Variants in SPTBN2 observed in about 807,000 individuals in gnomAD.
SPTBN2 encodes spectrin beta, non-erythrocytic 2.
A neutral mutation model predicts 284.2 loss-of-function variants in SPTBN2; 107 were observed. That is an observed-to-expected ratio of 0.38 (90% CI 0.32 to 0.44). SPTBN2 has a LOEUF of 0.44. SPTBN2 is among the 20% of genes least tolerant of loss of function. The pLI is 1.00. For missense variants in SPTBN2, 2,569 were observed against 3,287.1 expected (o/e 0.78, Z 5.34); for synonymous variants, 1,289 against 1,354.8 (o/e 0.95, Z 1.07).
Position 66,705,675 on chromosome 11 carries a change from A to T in SPTBN2, c.1807+9T>A. On this transcript the variant is annotated intron_variant, in intron 14 of 37. Transcript: ENST00000533211. Reference sequence around the variant, plus strand: ...CCCTCCCTCTCCAGTGCCTTCGCTGACTTCTCACCTTTCCCTGGGTTGCAG... The same window carrying T: ...CCCTCCCTCTCCAGTGCCTTCGCTGTCTTCTCACCTTTCCCTGGGTTGCAG... 3 of 1,610,622 alleles carry T rather than the reference A, an allele frequency of 1.9e-6. No individual in the cohort carries two copies. The highest frequency in any genetic ancestry group is 1.7e-6 in the Non-Finnish European group (2 of 1,179,960).
chr11:66,708,120 C>T lies in SPTBN2; in HGVS notation c.1350+21G>A. On this transcript the variant is annotated intron_variant, in intron 12 of 37. Coordinates refer to ENST00000533211, the MANE Select transcript of SPTBN2 (RefSeq NM_006946.4). This position sits in a 1 kb window ranked among gnomAD's most constrained non-coding sequence, Gnocchi z 4.4. ...TCCCAGTTCTGACCAGCCTAAGCATCCTAGGAGCCTCAAGTCCTACCTGGG... is the reference window on the plus strand; with the variant it reads ...TCCCAGTTCTGACCAGCCTAAGCATTCTAGGAGCCTCAAGTCCTACCTGGG... 1 of 1,613,098 alleles carries T rather than the reference C, an allele frequency of 6.2e-7. No individual in the cohort carries two copies. Among genetic ancestry groups the T allele is most frequent in the South Asian group, 1.1e-5 (1 of 91,088 alleles).
chr11:66,708,141 C>A lies in SPTBN2; in HGVS notation c.1350G>T (p.Gln450His). 6.2e-7 allele frequency: 1 copy of A among 1,613,216 alleles called. No individual in the cohort carries two copies. The highest frequency in any genetic ancestry group is 8.5e-7 in the Non-Finnish European group (1 of 1,179,920). Residue 450 changes from glutamine to histidine, a missense_variant and splice_region_variant, in exon 12 of 38, where the codon CAG becomes CAT. Physicochemically the swap from Gln to His is conservative, Grantham distance 24 (BLOSUM62 0). Around this residue, in one of 6 missense-constraint regions of SPTBN2, gnomAD observed 1,012 missense variants for 1,248.9 expected, o/e 0.81. Coordinates refer to ENST00000533211, the MANE Select transcript of SPTBN2 (RefSeq NM_006946.4). This position sits in a 1 kb window ranked among gnomAD's most constrained non-coding sequence, Gnocchi z 4.4. Reference protein sequence around the residue: ...WLSENQRLVSQDNFGLELAAV... With the variant: ...WLSENQRLVSHDNFGLELAAV... ...GCATCCTAGGAGCCTCAAGTCCTAC[C>A]TGGGACACGAGGCGCTGGTTCTCGC...
At chr11:66,731,828 T>G (rs539112410), upstream of SPTBN2, among the ~76,000 whole-genome samples, 13 of 152,368 alleles carry the variant, frequency 8.5e-5, no homozygotes, top group South Asian at 2.7e-3. Flanking sequence ...CCAGGCACTG[T>G]GCTGGGATCT....
chr11:66,713,507 C>T, intron 8 of SPTBN2, 124 bp downstream of exon 8: 1 of 786,258 alleles, frequency 1.3e-6, no homozygotes, highest in South Asian at 1.3e-5. Context: ...TCTTCCCCCA[C>T]CAAAGAAGCC....
chr11:66,701,183 G>A lies in SPTBN2; in HGVS notation c.2916C>T (p.Ala972=). The A allele has an allele frequency of 6.2e-7, 1 of 1,613,182 alleles. No homozygotes were observed. ...NYHLECTETQ[A]WMREKTKVIE... ...TGACTTTGGTCTTCTCTCTCATCCA[G>A]GCCTGGGTCTCCGTGCACTCTAAGT... The change falls in exon 17 of 38, where the codon GCC becomes GCT. Residue 972 remains alanine, a synonymous_variant. Coordinates refer to ENST00000533211, the MANE Select transcript of SPTBN2 (RefSeq NM_006946.4).
chr11:66,727,397 G>C (rs1446743005), intron 1 of SPTBN2, among the ~76,000 whole-genome samples: 2 of 152,192 alleles, frequency 1.3e-5, no homozygotes, highest in Non-Finnish European at 2.9e-5. Context: ...GGGCAAACCT[G>C]CACCTCACAC....
At chr11:66,738,869 C>T (rs539292039) in intron 1 of SPTBN2, among the ~76,000 whole-genome samples, 36 of 151,434 alleles carry the variant, frequency 2.4e-4, no homozygotes, top group African/African-American at 7.8e-4. Context: ...TGGAGTGCAG[C>T]AGCCCAATCT....
chr11:66,707,488 T>C lies in SPTBN2; in HGVS notation c.1653+28A>G, dbSNP rs770467730. On this transcript the variant is annotated intron_variant, in intron 13 of 37. Transcript: ENST00000533211. The surrounding 1 kb of genome is among the most constrained non-coding windows in gnomAD (Gnocchi z 4.9). ...GGCCCCCTCGACTCTTGATCACTCT[T>C]ACCCCACCCAGCACGCCTCACTGGT... 12 of 1,574,916 alleles carry C rather than the reference T, an allele frequency of 7.6e-6. No homozygotes were observed. The South Asian group carries it at 1.2e-4, about 15-fold the overall frequency.
rs1035171051 is a variant in SPTBN2 at position 66,737,406 on chromosome 11, G to C, written c.-475+7136C>G. Among the ~76,000 whole-genome samples the C allele has an allele frequency of 3.3e-5, 5 of 152,114 alleles. No individual in the cohort carries two copies. The South Asian group carries it at 6.2e-4, about 19-fold the overall frequency. Reference sequence around the variant, plus strand: ...ATCTATAATACAATCATTCAGGCCAGGTCTGAGCCACTGTGACAAGTTAAC... The same window carrying C: ...ATCTATAATACAATCATTCAGGCCACGTCTGAGCCACTGTGACAAGTTAAC... On this transcript the variant is annotated intron_variant, in intron 1 of 37. Transcript: ENST00000611817.
chr11:66,742,829 C>T (rs1292340845), intron 1 of SPTBN2, among the ~76,000 whole-genome samples: 17 of 152,108 alleles, frequency 1.1e-4, no homozygotes, highest in African/African-American at 3.6e-4. Context: ...GGGCTGGTCT[C>T]GAACTCCTGA....
Position 66,700,436 on chromosome 11 carries a change from A to G in SPTBN2, c.3573+90T>C. On this transcript the variant is annotated intron_variant, in intron 17 of 37. Coordinates refer to ENST00000533211, the MANE Select transcript of SPTBN2 (RefSeq NM_006946.4). The surrounding 1 kb of genome is among the most constrained non-coding windows in gnomAD (Gnocchi z 6.6). ...CACTGCGCTGCCCCATTTTGCTAGC[A>G]TGTCCTTCCTGCCCATCCTGCTCCT... The G allele has an allele frequency of 6.4e-7, 1 of 1,574,324 alleles. No individual in the cohort carries two copies. The highest frequency in any genetic ancestry group is 8.6e-7 in the Non-Finnish European group (1 of 1,160,876).
chr11:66,722,106 A>G (rs1942432485), intron 1 of SPTBN2, among the ~76,000 whole-genome samples: 1 of 152,212 alleles, frequency 6.6e-6, no homozygotes, highest in South Asian at 2.1e-4. Flanking sequence ...AGGAGGACAC[A>G]GTATGCTTCT....
At chr11:66,692,066 T>C (rs1382637023) in intron 26 of SPTBN2, among the ~76,000 whole-genome samples, 1 of 152,158 alleles carries the variant, frequency 6.6e-6, no homozygotes, top group Non-Finnish European at 1.5e-5. Context: ...GTCCCCTTTC[T>C]GTACAATTCT....
intron 1 of SPTBN2, among the ~76,000 whole-genome samples, chr11:66,726,095 T>C (rs1372823131): frequency 6.6e-6 from 1 of 152,248 alleles, no homozygotes; most frequent in African/African-American, 2.4e-5. Context: ...TTTTGGTGTT[T>C]TTCCAGACTC....
At position 66,715,750 on chromosome 11, in the gene SPTBN2, C is replaced by T. The variant is rs1942113566; in HGVS notation, c.309+80G>A. 2.5e-6 allele frequency: 4 copies of T among 1,571,808 alleles called. No individual in the cohort carries two copies. Among genetic ancestry groups the T allele is most frequent in the Non-Finnish European group, 3.5e-6 (4 of 1,158,436 alleles). ...GCTTCCCGCCCTGTGCCGTCACTCT[C>T]TCTGAGGGCTGTTCTTCCAGCTGGT... is the stretch of plus-strand genomic sequence containing the variant. On this transcript the variant is annotated intron_variant, in intron 4 of 37. Transcript: ENST00000533211. This position sits in a 1 kb window ranked among gnomAD's most constrained non-coding sequence, Gnocchi z 5.3.
At chr11:66,697,816 T>TG (rs1311146887) in intron 20 of SPTBN2, among the ~76,000 whole-genome samples, 1 of 152,192 alleles carries the variant, frequency 6.6e-6, no homozygotes, top group African/African-American at 2.4e-5. Flanking sequence ...GAGCCTACCA[T>TG]GGGATCCCTT....
chr11:66,690,403 G>A (rs1442541878), intron 27 of SPTBN2, 120 bp from the exon 28 acceptor site: 12 of 1,372,244 alleles, frequency 8.7e-6, no homozygotes, highest in Non-Finnish European at 1.2e-5. Flanking sequence ...GCAGGGGGAG[G>A]AGCCAGGGAG....
At chr11:66,690,327 A>G in intron 27 of SPTBN2, 44 bp from the exon 28 acceptor site, 3 of 1,530,754 alleles carry the variant, frequency 2.0e-6, no homozygotes, top group Non-Finnish European at 2.6e-6. Flanking sequence ...GGGGACTCCA[A>G]GGAGCCGCAG....
chr11:66,717,938 G>A (rs1020090398), intron 3 of SPTBN2, among the ~76,000 whole-genome samples: 14 of 152,120 alleles, frequency 9.2e-5, no homozygotes, highest in African/African-American at 3.1e-4. Flanking sequence ...CCTCTCCTTC[G>A]AGACACTCCC....
Sources: gnomAD v4.1 joint callset for allele counts (sites outside exome capture counted in the v4.1 genomes callset) on GRCh38, gnomAD v4.1.1 for gene constraint, gnomAD v4.1.1 regional missense constraint, Gnocchi (gnomAD v3.1) non-coding constraint, MANE v1.5 for transcripts, NCBI Gene and HGNC (gene_info 2026-07-23, HGNC 2026-07-21) for gene names.